The following ATP10B variants were observed in gnomAD, a reference collection of about 807,000 sequenced individuals.
ATP10B encodes ATPase phospholipid transporting 10B (putative), also known as phospholipid-transporting ATPase VB.
In ATP10B, 122 loss-of-function variants were observed where a neutral mutation model predicts 141.2. The ratio of observed to expected loss-of-function variants is 0.86; its 90% CI spans 0.75 to 1.00. The LOEUF is 1.00. ATP10B is among the 50% of genes least tolerant of loss of function. The probability of loss-of-function intolerance (pLI) is 0.00; values close to 1 mark genes in which losing one functional copy is unlikely to be tolerated. For synonymous variants in ATP10B, 685 were observed against 692.0 expected (o/e 0.99, Z 0.16); for missense variants, 1,876 against 1,825.3 (o/e 1.03, Z -0.51).
intron 24 of ATP10B, among the ~76,000 whole-genome samples, chr5:160,583,135 G>A (rs1755661152): frequency 6.6e-6 from 1 of 152,202 alleles, no homozygotes; most frequent in Non-Finnish European, 1.5e-5. Context: ...GTGAGGAGTT[G>A]TGATCTTTTG....
rs79473525 is a variant in ATP10B, at chr5:160,832,991, G to A, written c.-576+18950C>T. ...TTTTCATGGCATGTGTGCCAAGTGC[G>A]TAGTGTTAATGTGCCAAACTCTGGA... On this transcript the variant is annotated intron_variant, in intron 1 of 25. Coordinates refer to ENST00000327245, the MANE Select transcript of ATP10B (RefSeq NM_025153.3). Among the ~76,000 whole-genome samples the A allele has an allele frequency of 6.1e-3, 925 of 152,258 alleles. 13 individuals carry two copies. Among genetic ancestry groups the A allele is most frequent in the African/African-American group, 0.021 (875 of 41,562 alleles).
intron 1 of ATP10B, among the ~76,000 whole-genome samples, chr5:160,826,854 C>T (rs1173377723): frequency 2.0e-5 from 3 of 152,142 alleles, no homozygotes; most frequent in African/African-American, 7.2e-5. Context: ...TACCCTCAGG[C>T]TTACTAGGAT....
the ATP10B span, among the ~76,000 whole-genome samples, chr5:160,893,585 G>A: frequency 6.6e-6 from 1 of 152,178 alleles, no homozygotes; most frequent in South Asian, 2.1e-4. Context: ...CTGGGACAGA[G>A]CACCTGGGGG....
At chr5:160,646,994 T>C (rs779865703) in intron 8 of ATP10B, among the ~76,000 whole-genome samples, 1 of 152,152 alleles carries the variant, frequency 6.6e-6, no homozygotes, top group East Asian at 1.9e-4. Flanking sequence ...CCCTCCCCAG[T>C]TGTGGCAAGA....
At chr5:160,603,355 G>A (rs1239106012) in intron 20 of ATP10B, 1 of 154,536 alleles carries the variant, frequency 6.5e-6, no homozygotes, top group Non-Finnish European at 1.4e-5. Context: ...TCCTAAATGT[G>A]AAGTGTCTAA....
intron 2 of ATP10B, among the ~76,000 whole-genome samples, chr5:160,755,833 A>G (rs1386865363): frequency 1.1e-4 from 8 of 71,308 alleles, no homozygotes; most frequent in African/African-American, 6.7e-4. Context: ...AAAAAAAAAA[A>G]AAAAAATATA....
the ATP10B span, among the ~76,000 whole-genome samples, chr5:160,896,178 G>A: frequency 2.0e-5 from 3 of 150,948 alleles, no homozygotes; most frequent in Non-Finnish European, 4.4e-5. Context: ...CTAGCAGAAG[G>A]CAAGAAATAA....
At chr5:160,848,535 C>T (rs575917886) in intron 1 of ATP10B, among the ~76,000 whole-genome samples, 7 of 152,328 alleles carry the variant, frequency 4.6e-5, no homozygotes, top group East Asian at 1.9e-4. Flanking sequence ...TGCTAATCCA[C>T]GTGCCAACTG....
At chr5:160,623,265 A>G (rs1315402290) in intron 13 of ATP10B, among the ~76,000 whole-genome samples, 1 of 152,240 alleles carries the variant, frequency 6.6e-6, no homozygotes, top group Non-Finnish European at 1.5e-5. Context: ...TATAGCTCAC[A>G]ATGAAGTCTC....
At chr5:160,701,160 A>G (rs989950803) in intron 3 of ATP10B, among the ~76,000 whole-genome samples, 20 of 152,222 alleles carry the variant, frequency 1.3e-4, no homozygotes, top group Middle Eastern at 3.4e-3. Context: ...AATCAGAAAT[A>G]CTTCGCCAAA....
chr5:160,798,632 T>C (rs1007685919), intron 1 of ATP10B, among the ~76,000 whole-genome samples: 1 of 152,162 alleles, frequency 6.6e-6, no homozygotes, highest in Admixed American at 6.5e-5. Context: ...GACTTCTAAC[T>C]GCCAGAACTG....
At chr5:160,693,290 A>G (rs1335515047) in intron 3 of ATP10B, among the ~76,000 whole-genome samples, 2 of 152,076 alleles carry the variant, frequency 1.3e-5, no homozygotes, top group Non-Finnish European at 2.9e-5. Flanking sequence ...ACAATCTCAA[A>G]TTTCCTGATT....
At chr5:160,868,982 T>C in the ATP10B span, among the ~76,000 whole-genome samples, 1 of 152,164 alleles carries the variant, frequency 6.6e-6, no homozygotes, top group Non-Finnish European at 1.5e-5. Flanking sequence ...TGCATTGGAA[T>C]TAATTTGGAG....
In ATP10B at chr5:160,612,881, T is replaced by C; in HGVS notation, c.2698A>G (p.Thr900Ala). 2 of 1,613,898 alleles carry C rather than the reference T, an allele frequency of 1.2e-6. No individual in the cohort carries two copies. Among genetic ancestry groups the C allele is most frequent in the Non-Finnish European group, 1.7e-6 (2 of 1,179,906 alleles). ...CCAGCCTCCCGCAGAGTGGCAATCGTATCTGGAACTCCTTCCTGCAGCCGG... is the reference window on the plus strand; with the variant it reads ...CCAGCCTCCCGCAGAGTGGCAATCGCATCTGGAACTCCTTCCTGCAGCCGG... The part of the protein sequence containing the change: ...EDRLQEGVPD[T>A]IATLREAGIQ... Residue 900 changes from threonine to alanine, a missense_variant, in exon 18 of 26, where the codon ACG becomes GCG. Thr to Ala is a moderately conservative substitution (Grantham distance 58). Transcript: ENST00000327245.
At chr5:160,775,363 T>C (rs763723947) in intron 2 of ATP10B, among the ~76,000 whole-genome samples, 41 of 152,208 alleles carry the variant, frequency 2.7e-4, no homozygotes, top group Non-Finnish European at 4.7e-4. Flanking sequence ...TGATTTTAAT[T>C]TGATAGTGCC....
chr5:160,781,758 A>G (rs1418733148), intron 2 of ATP10B, among the ~76,000 whole-genome samples: 1 of 152,138 alleles, frequency 6.6e-6, no homozygotes, highest in Non-Finnish European at 1.5e-5. Flanking sequence ...AATTTTCATA[A>G]TTGCACAGCA....
At position 160,606,870 on chromosome 5, in the gene ATP10B, T is replaced by A. The variant is rs1472421796; in HGVS notation, c.3055A>T (p.Thr1019Ser). The A allele has an allele frequency of 3.1e-6, 5 of 1,613,984 alleles. No individual in the cohort carries two copies. The highest frequency in any genetic ancestry group is 1.6e-4 in the Middle Eastern group (1 of 6,084). Residue 1019 changes from threonine (T) to serine (S), a missense_variant, in exon 19 of 26, where the codon ACC (threonine) becomes TCC (serine). Thr to Ser is a moderately conservative substitution (Grantham distance 58). Transcript: ENST00000327245. ...GKLEKKFLEL[T>S]QYCRSVLCCR... ...CACAGGACGGACCGACAATACTGGG[T>A]CAATTCCAGAAACTTCTTCTCTAGC...
the ATP10B span, among the ~76,000 whole-genome samples, chr5:160,870,517 C>T: frequency 1.3e-5 from 2 of 150,834 alleles, no homozygotes; most frequent in Non-Finnish European, 3.0e-5. Context: ...CCTCCAAAAC[C>T]AAAAAACAAA....
intron 6 of ATP10B, among the ~76,000 whole-genome samples, chr5:160,676,199 G>A (rs1374115051): frequency 6.6e-6 from 1 of 152,146 alleles, no homozygotes; most frequent in South Asian, 2.1e-4. Context: ...ACCATGTGGT[G>A]GCAGTAAAGA....
Sources: gnomAD v4.1 joint callset for allele counts (sites outside exome capture counted in the v4.1 genomes callset) on GRCh38, gnomAD v4.1.1 for gene constraint, MANE v1.5 for transcripts, NCBI Gene and HGNC (gene_info 2026-07-23, HGNC 2026-07-21) for gene names.